Variants in USP42 observed in about 807,000 individuals in gnomAD.
USP42 encodes ubiquitin carboxyl-terminal hydrolase 42.
In USP42, 23 loss-of-function variants were observed where a neutral mutation model predicts 113.0. The ratio of observed to expected loss-of-function variants is 0.20; its 90% CI spans 0.15 to 0.29. The LOEUF is 0.29. USP42 is among the 10% of genes least tolerant of loss of function. The probability of loss-of-function intolerance (pLI) is 1.00; values close to 1 mark genes in which losing one functional copy is unlikely to be tolerated. For synonymous variants in USP42, 933 were observed against 699.0 expected, an observed-to-expected ratio of 1.33 and a Z score of -5.28; for missense variants, 2,174 against 1,779.8, an observed-to-expected ratio of 1.22 and a Z score of -3.99.
chr7:6,111,664 G>T (rs562039807), intron 2 of USP42: 5 of 226,050 alleles, frequency 2.2e-5, no homozygotes, highest in Non-Finnish European at 4.4e-5. Context: ...GTGCAGTGGC[G>T]CGATCTTGAC....
chr7:6,135,262 C>G (rs10248850), intron 3 of USP42, among the ~76,000 whole-genome samples: 28,951 of 152,098 alleles, frequency 0.19, 4,330 homozygotes, highest in East Asian at 0.72. Context: ...CCCATAATAA[C>G]TCTTTGACAT....
At chr7:6,125,106 G>C (rs1045918671) in intron 3 of USP42, among the ~76,000 whole-genome samples, 1 of 151,176 alleles carries the variant, frequency 6.6e-6, no homozygotes, top group African/African-American at 2.4e-5. Context: ...GCTTGATCCC[G>C]GGAGTTGGAG....
At chr7:6,145,285 C>T (rs1188258630) in intron 9 of USP42, among the ~76,000 whole-genome samples, 1 of 149,600 alleles carries the variant, frequency 6.7e-6, no homozygotes, top group Non-Finnish European at 1.5e-5. Flanking sequence ...GAGCTGAGAT[C>T]GTGTCACTGC....
At chr7:6,083,799 T>C in the USP42 span, among the ~76,000 whole-genome samples, 1 of 150,848 alleles carries the variant, frequency 6.6e-6, no homozygotes, top group Non-Finnish European at 1.5e-5. Flanking sequence ...TTCCTCTTTT[T>C]TTCCCCTTCC....
In USP42 at chr7:6,157,558, C is replaced by T. The variant is rs529713636; in HGVS notation, c.3943+503C>T. ...GACTACAGGCGCCCGCCACCACGCC[C>T]GGCTAAATTTTGTGTTTTTAGTAGA... On this transcript the variant is annotated intron_variant, in intron 16 of 17. Coordinates refer to ENST00000306177, the MANE Select transcript of USP42 (RefSeq NM_032172.3). The surrounding 1 kb of genome is among the most constrained non-coding windows in gnomAD (Gnocchi z 4.1). 2.4e-4 allele frequency among the ~76,000 whole-genome samples: 37 copies of T among 152,266 alleles called. No individual in the cohort carries two copies. The highest frequency in any genetic ancestry group is 4.3e-4 in the Non-Finnish European group (29 of 68,020).
upstream of USP42, among the ~76,000 whole-genome samples, chr7:6,101,162 C>G (rs529354192): frequency 9.3e-5 from 14 of 151,144 alleles, no homozygotes; most frequent in African/African-American, 3.5e-4. Context: ...CTAAGAACAG[C>G]CTCAGGAGAA....
chr7:6,101,156 G>C (rs1385121201), upstream of USP42, among the ~76,000 whole-genome samples: 1 of 151,108 alleles, frequency 6.6e-6, no homozygotes, highest in East Asian at 1.9e-4. Flanking sequence ...CTTCAGCTAA[G>C]AACAGCCTCA....
intron 15 of USP42, among the ~76,000 whole-genome samples, 155 bp downstream of exon 15, chr7:6,155,350 C>T (rs1782384956): frequency 6.6e-6 from 1 of 152,188 alleles, no homozygotes; most frequent in Admixed American, 6.5e-5. Context: ...TGAGAGTTCA[C>T]TATTTTTACA....
chr7:6,135,651 CAAAAAAAAAAA>C (rs1173165919), intron 3 of USP42, among the ~76,000 whole-genome samples, 179 bp from the exon 4 acceptor site: 4 of 16,160 alleles, frequency 2.5e-4, no homozygotes, highest in Non-Finnish European at 4.3e-4. Context: ...GACTCCATCT[CAAAAAAAAAAA>C]AAAAAAAAAA....
At chr7:6,127,589 A>ATATT (rs1342599156) in intron 3 of USP42, among the ~76,000 whole-genome samples, 1 of 151,892 alleles carries the variant, frequency 6.6e-6, no homozygotes, top group Non-Finnish European at 1.5e-5. Context: ...TTATTTGGGC[A>ATATT]TATTTGTGTG....
intron 15 of USP42, among the ~76,000 whole-genome samples, chr7:6,156,535 A>G (rs1782453349): frequency 6.6e-6 from 1 of 152,054 alleles, no homozygotes; most frequent in Non-Finnish European, 1.5e-5. Flanking sequence ...CTGCAGCCTC[A>G]ATCTCCTGGG....
In USP42 at chr7:6,146,176, A is replaced by G; in HGVS notation, c.1160A>G (p.Asn387Ser). ...KASNGLWYQM[N>S]DSIVSTSDIR... ...AGCAATGGCCTCTGGTATCAAATGAATGACTCCATTGTATCTACCAGTGAT... is the reference window on the plus strand; with the variant it reads ...AGCAATGGCCTCTGGTATCAAATGAGTGACTCCATTGTATCTACCAGTGAT... The change falls in exon 11 of 18, where the codon AAT becomes AGT. Residue 387 changes from asparagine to serine, a missense_variant. Asn to Ser is a conservative substitution (Grantham distance 46). Coordinates refer to ENST00000306177, the MANE Select transcript of USP42 (RefSeq NM_032172.3). The G allele has an allele frequency of 1.9e-6, 3 of 1,601,954 alleles. No individual in the cohort carries two copies. Among genetic ancestry groups the G allele is most frequent in the Non-Finnish European group, 2.6e-6 (3 of 1,174,392 alleles).
rs1424615668 is a variant in USP42, at chr7:6,154,430, G to A, written c.2876G>A (p.Arg959His). ...GGCCACTACCGCAGCCGGAGAGAGCGCTCGTCCAGCGGGGAGCCCGCCAGA... is the reference window on the plus strand; with the variant it reads ...GGCCACTACCGCAGCCGGAGAGAGCACTCGTCCAGCGGGGAGCCCGCCAGA... ...DRGHYRSRRE[R>H]SSSGEPARES... Residue 959 changes from arginine to histidine, a missense_variant, in exon 15 of 18, where the codon CGC becomes CAC. Physicochemically the swap from Arg to His is conservative, Grantham distance 29. Coordinates refer to ENST00000306177, the MANE Select transcript of USP42 (RefSeq NM_032172.3). The A allele has an allele frequency of 3.2e-6, 5 of 1,572,304 alleles. No homozygotes were observed. The highest frequency in any genetic ancestry group is 2.7e-5 in the African/African-American group (2 of 73,852).
intron 10 of USP42, 124 bp from the exon 11 acceptor site, chr7:6,146,024 T>C: frequency 1.3e-6 from 1 of 777,678 alleles, no homozygotes; most frequent in Non-Finnish European, 2.1e-6. Flanking sequence ...ATCACGCCAC[T>C]GCACTCCAGC....
intron 3 of USP42, among the ~76,000 whole-genome samples, chr7:6,122,279 GT>G (rs55777900): frequency 0.19 from 24,934 of 133,480 alleles, 2,223 homozygotes; most frequent in African/African-American, 0.23. Flanking sequence ...TCATGTGTCA[GT>G]TTTTTTTTTT....
At chr7:6,114,213 G>C (rs989651581) in intron 2 of USP42, among the ~76,000 whole-genome samples, 4 of 152,108 alleles carry the variant, frequency 2.6e-5, no homozygotes, top group African/African-American at 9.7e-5. Context: ...GCAGCCATTT[G>C]GCCTAGTAAG....
chr7:6,091,710 C>CACACACACACAT, the USP42 span, among the ~76,000 whole-genome samples: 1 of 150,314 alleles, frequency 6.7e-6, no homozygotes, highest in Non-Finnish European at 1.5e-5. Flanking sequence ...CACACACACA[C>CACACACACACAT]ACACATATAT....
chr7:6,092,011 C>CTTTTCTTCTTCTTCTTCTTCTT, the USP42 span, among the ~76,000 whole-genome samples: 1 of 95,230 alleles, frequency 1.1e-5, no homozygotes, highest in Non-Finnish European at 2.3e-5. Flanking sequence ...TCTTCTTCTT[C>CTTTTCTTCTTCTTCTTCTTCTT]TTCTTCTTCT....
At chr7:6,089,724 G>T in the USP42 span, among the ~76,000 whole-genome samples, 2 of 149,520 alleles carry the variant, frequency 1.3e-5, no homozygotes, top group Non-Finnish European at 3.0e-5. Context: ...GTAGAGATGG[G>T]GTTTCACCAT....
Sources: gnomAD v4.1 joint callset for allele counts (sites outside exome capture counted in the v4.1 genomes callset) on GRCh38, gnomAD v4.1.1 for gene constraint, Gnocchi (gnomAD v3.1) non-coding constraint, MANE v1.5 for transcripts, NCBI Gene and HGNC (gene_info 2026-07-23, HGNC 2026-07-21) for gene names.